The following INPP5F variants were observed in gnomAD, a reference collection of about 807,000 sequenced individuals.
INPP5F encodes inositol polyphosphate-5-phosphatase F.
INPP5F carries 97 observed loss-of-function variants against 137.2 expected under a neutral mutation model. The ratio of observed to expected loss-of-function variants is 0.71; its 90% confidence interval spans 0.60 to 0.84. The LOEUF (loss-of-function observed/expected upper bound fraction) is 0.84. Among genes scored for constraint, INPP5F ranks in the 40% least tolerant of loss-of-function variants. The probability of loss-of-function intolerance (pLI) is 0.00; values close to 1 mark genes in which losing one functional copy is unlikely to be tolerated. For synonymous variants in INPP5F, 504 were observed against 476.9 expected (o/e 1.06, Z -0.74); for missense variants, 1,271 against 1,371.9 (o/e 0.93, Z 1.16).
At position 119,791,967 on chromosome 10, in the gene INPP5F, C is replaced by G. The variant is rs753132517; in HGVS notation, c.543C>G (p.Thr181=). Reference sequence around the variant, plus strand: ...CAGAATCCTTTTATTATAGCTTGACCTATGACCTGACCAATTCCGTGCAGA... The same window carrying G: ...CAGAATCCTTTTATTATAGCTTGACGTATGACCTGACCAATTCCGTGCAGA... ...MDSESFYYSL[T]YDLTNSVQRQ... is the part of the protein sequence containing the mutation. Residue 181 remains threonine (T), a synonymous_variant, in exon 5 of 20, where the codon ACC becomes ACG. Transcript: ENST00000650623. 1 of 1,614,200 alleles carries G rather than the reference C, an allele frequency of 6.2e-7. No individual in the cohort carries two copies. Among genetic ancestry groups the G allele is most frequent in the South Asian group, 1.1e-5 (1 of 91,086 alleles).
At chr10:119,727,227 G>A (rs1847920747) in intron 1 of INPP5F, among the ~76,000 whole-genome samples, 1 of 152,218 alleles carries the variant, frequency 6.6e-6, no homozygotes, top group Non-Finnish European at 1.5e-5. Flanking sequence ...TTTAGGGAAA[G>A]CGAGAGGATA....
chr10:119,820,994 A>C, intron 16 of INPP5F, 77 bp downstream of exon 16: 1 of 908,220 alleles, frequency 1.1e-6, no homozygotes, highest in Admixed American at 1.9e-5. Flanking sequence ...AATTCGTAAC[A>C]AAAAAATGTG....
intron 19 of INPP5F, chr10:119,825,868 G>C: frequency 2.5e-6 from 1 of 397,924 alleles, no homozygotes; most frequent in East Asian, 3.6e-5. Context: ...CTCATGATCA[G>C]TGATCTTGCA....
chr10:119,776,670 G>GTGTGTGTA (rs1849532076), intron 2 of INPP5F, among the ~76,000 whole-genome samples: 1 of 151,708 alleles, frequency 6.6e-6, no homozygotes, highest in African/African-American at 2.4e-5. Context: ...CTCTGTGTGT[G>GTGTGTGTA]TGTGTGTATG....
At chr10:119,752,599 A>AG in intron 2 of INPP5F, among the ~76,000 whole-genome samples, 1 of 151,772 alleles carries the variant, frequency 6.6e-6, no homozygotes, top group Non-Finnish European at 1.5e-5. Flanking sequence ...AAAAAAAAAA[A>AG]AAAAGAAATG....
At chr10:119,781,564 AT>A (rs774425082) in intron 2 of INPP5F, 70 bp from the exon 3 acceptor site, 5 of 1,328,110 alleles carry the variant, frequency 3.8e-6, no homozygotes, top group Admixed American at 2.4e-5. Flanking sequence ...TTGTTAGGTT[AT>A]TCACCTTCAA....
intron 2 of INPP5F, among the ~76,000 whole-genome samples, chr10:119,757,444 T>G (rs563873285): frequency 1.3e-5 from 2 of 152,088 alleles, no homozygotes; most frequent in South Asian, 4.2e-4. Context: ...AGTATAGATC[T>G]GTGAAAAATC....
intron 1 of INPP5F, among the ~76,000 whole-genome samples, chr10:119,735,547 GT>G (rs1323323696): frequency 6.6e-6 from 1 of 152,158 alleles, no homozygotes; most frequent in Non-Finnish European, 1.5e-5. Context: ...TAATATTGAT[GT>G]TTCACAGTAT....
At chr10:119,730,981 G>A (rs920265051) in intron 1 of INPP5F, among the ~76,000 whole-genome samples, 1 of 151,940 alleles carries the variant, frequency 6.6e-6, no homozygotes, top group Non-Finnish European at 1.5e-5. Context: ...TAGAGATGGG[G>A]TTTTACCATG....
chr10:119,748,546 T>C lies in INPP5F; in HGVS notation c.98-2530T>C, dbSNP rs1442912757. ...GGGAGCAAGGCAGAGAGCAGCTTCA[T>C]TGAGCCCCAGAAGAGCTCTCAGGAG... is the stretch of plus-strand genomic sequence containing the variant. On this transcript the variant is annotated intron_variant, in intron 1 of 19. Coordinates refer to ENST00000650623, the MANE Select transcript of INPP5F (RefSeq NM_014937.4). The surrounding 1 kb of genome is among the most constrained non-coding windows in gnomAD (Gnocchi z 4.7). Among the ~76,000 whole-genome samples the C allele has an allele frequency of 2.6e-5, 4 of 152,176 alleles. No individual in the cohort carries two copies. The highest frequency in any genetic ancestry group is 6.5e-5 in the Admixed American group (1 of 15,272).
intron 1 of INPP5F, among the ~76,000 whole-genome samples, chr10:119,744,212 C>T (rs1302839772): frequency 2.6e-5 from 4 of 152,108 alleles, no homozygotes; most frequent in Non-Finnish European, 4.4e-5. Context: ...CTTGACAACA[C>T]TGAGTTAAAA....
chr10:119,745,373 C>CT (rs971153706), intron 1 of INPP5F, among the ~76,000 whole-genome samples: 14 of 148,226 alleles, frequency 9.4e-5, no homozygotes, highest in Admixed American at 2.7e-4. Context: ...TTCTCGATCT[C>CT]TTTTTTTCCA....
At chr10:119,760,443 C>G (rs144084198) in intron 2 of INPP5F, among the ~76,000 whole-genome samples, 71 of 152,136 alleles carry the variant, frequency 4.7e-4, no homozygotes, top group African/African-American at 1.5e-3. Context: ...CTAGTGAGAC[C>G]CTGTCTCTTA....
At chr10:119,730,726 A>G (rs757823684) in intron 1 of INPP5F, among the ~76,000 whole-genome samples, 1 of 152,208 alleles carries the variant, frequency 6.6e-6, no homozygotes, top group Non-Finnish European at 1.5e-5. Context: ...TGTCATACAC[A>G]TAACATTCAT....
Position 119,726,313 on chromosome 10 carries a change from C to T in INPP5F, c.51C>T (p.Arg17=), listed in dbSNP as rs1847886102. The T allele has an allele frequency of 1.3e-6, 2 of 1,482,800 alleles. No individual in the cohort carries two copies. Among genetic ancestry groups the T allele is most frequent in the Non-Finnish European group, 1.8e-6 (2 of 1,115,010 alleles). 91.9% of individuals were successfully genotyped at this position (1,482,800 alleles called of 1,614,324 possible). ...KDHYILQQGE[R]ALWCSRRDGG... ...ACTACATCCTGCAGCAGGGCGAGCG[C>T]GCGCTGTGGTGCAGCCGCCGCGACG... Residue 17 remains arginine (R), a synonymous_variant, in exon 1 of 20, where the codon CGC becomes CGT. Coordinates refer to ENST00000650623, the MANE Select transcript of INPP5F (RefSeq NM_014937.4).
chr10:119,752,515 A>G (rs933050454), intron 2 of INPP5F, among the ~76,000 whole-genome samples: 1 of 147,658 alleles, frequency 6.8e-6, no homozygotes, highest in Non-Finnish European at 1.5e-5. Flanking sequence ...AACCTGGGAG[A>G]TGGTGGTTGC....
At chr10:119,753,929 G>C (rs1848762386) in intron 2 of INPP5F, among the ~76,000 whole-genome samples, 1 of 152,130 alleles carries the variant, frequency 6.6e-6, no homozygotes, top group South Asian at 2.1e-4. Context: ...CTTTATTGGG[G>C]CAGCTGGTCT....
At chr10:119,758,312 G>C (rs750545118) in intron 2 of INPP5F, among the ~76,000 whole-genome samples, 2 of 152,178 alleles carry the variant, frequency 1.3e-5, no homozygotes, top group Non-Finnish European at 2.9e-5. Flanking sequence ...GCCAGGGGTG[G>C]GAGCGGGGAG....
At chr10:119,765,810 T>C (rs1478819839) in intron 2 of INPP5F, among the ~76,000 whole-genome samples, 1 of 148,330 alleles carries the variant, frequency 6.7e-6, no homozygotes, top group Non-Finnish European at 1.5e-5. Flanking sequence ...ACTATATAGA[T>C]ATACACTATA....
Sources: allele counts gnomAD v4.1 joint callset (sites outside exome capture counted in the v4.1 genomes callset), GRCh38; gene constraint gnomAD v4.1.1; non-coding constraint Gnocchi (gnomAD v3.1); transcripts MANE v1.5; gene names NCBI Gene and HGNC (gene_info 2026-07-23, HGNC 2026-07-21).